The following CSMD3 variants were observed in gnomAD, a reference collection of about 807,000 sequenced individuals.
The protein encoded by CSMD3 is CUB and Sushi multiple domains 3, also known as CUB and sushi domain-containing protein 3.
Under a neutral mutation model 435.2 loss-of-function variants are expected in CSMD3, and 177 were observed. That is an observed-to-expected ratio of 0.41 (90% CI 0.36 to 0.46). The LOEUF (loss-of-function observed/expected upper bound fraction) is 0.46. Ranked by LOEUF, CSMD3 falls within the 20% of genes least tolerant of loss-of-function variation. CSMD3 has a pLI of 0.34. For missense variants in CSMD3, 4,265 were observed against 4,504.6 expected (o/e 0.95, Z 1.52); for synonymous variants, 1,656 against 1,520.5 (o/e 1.09, Z -2.07).
At chr8:113,063,696 G>A (rs938889744) in intron 5 of CSMD3, among the ~76,000 whole-genome samples, 3 of 151,828 alleles carry the variant, frequency 2.0e-5, no homozygotes, top group African/African-American at 4.8e-5. Flanking sequence ...TTGGAAACAT[G>A]TGCCTACAAA....
intron 9 of CSMD3, among the ~76,000 whole-genome samples, chr8:112,926,790 A>C (rs929916826): frequency 1.3e-5 from 2 of 152,140 alleles, no homozygotes; most frequent in African/African-American, 4.8e-5. Flanking sequence ...AGGATCTAAA[A>C]AAAAAGCAGA....
chr8:112,521,461 C>T (rs1320811377), intron 27 of CSMD3, among the ~76,000 whole-genome samples: 5 of 151,744 alleles, frequency 3.3e-5, no homozygotes, highest in South Asian at 2.1e-4. Context: ...TTTTGGCCTC[C>T]GATTCATCAG....
At chr8:112,843,377 C>T (rs1471697677) in intron 11 of CSMD3, among the ~76,000 whole-genome samples, 2 of 151,832 alleles carry the variant, frequency 1.3e-5, no homozygotes, top group Non-Finnish European at 2.9e-5. Context: ...TTCTGCTGTC[C>T]AATTTCCTTG....
At chr8:113,311,110 G>T (rs1021154928) in intron 2 of CSMD3, 4 of 151,790 alleles carry the variant, frequency 2.6e-5, no homozygotes, top group Non-Finnish European at 2.9e-5. Context: ...TTACTTGTTG[G>T]TATAAGTTTA....
At chr8:113,368,657 A>G (rs1413739302) in intron 1 of CSMD3, among the ~76,000 whole-genome samples, 1 of 152,130 alleles carries the variant, frequency 6.6e-6, no homozygotes, top group Non-Finnish European at 1.5e-5. Flanking sequence ...TTGAGCAGCA[A>G]TAACATTGGC....
intron 17 of CSMD3, 41 bp downstream of exon 17, chr8:112,666,236 G>T (rs2131706405): frequency 2.1e-6 from 3 of 1,425,062 alleles, no homozygotes; most frequent in Non-Finnish European, 2.0e-6. Flanking sequence ...TAATCTTTTA[G>T]ATAATATTTT....
At chr8:113,026,531 CTA>C (rs1265989506) in intron 5 of CSMD3, among the ~76,000 whole-genome samples, 1 of 152,098 alleles carries the variant, frequency 6.6e-6, no homozygotes, top group African/African-American at 2.4e-5. Flanking sequence ...GATAAGTTTT[CTA>C]TGTTTCCTAT....
rs564019616 is a variant in CSMD3 at position 112,618,316 on chromosome 8, G to A, written c.3715+18501C>T. Among the ~76,000 whole-genome samples the A allele has an allele frequency of 3.3e-5, 5 of 151,994 alleles. No individual in the cohort carries two copies. In the South Asian group the frequency reaches 1.0e-3, roughly 32 times the overall value. ...GAAATAATAATTAGGAACAGAAATA[G>A]AAATAAAAGAAAAAGAATATAAATA... is the stretch of plus-strand genomic sequence containing the variant. On this transcript the variant is annotated intron_variant, in intron 22 of 70. Transcript: ENST00000297405.
intron 12 of CSMD3, among the ~76,000 whole-genome samples, chr8:112,826,278 T>A (rs751469406): frequency 6.6e-6 from 1 of 152,120 alleles, no homozygotes; most frequent in Non-Finnish European, 1.5e-5. Flanking sequence ...CAGCTATCAG[T>A]CCCAGTGTTG....
intron 13 of CSMD3, among the ~76,000 whole-genome samples, chr8:112,791,159 TA>T (rs2078679517): frequency 6.6e-6 from 1 of 151,572 alleles, no homozygotes; most frequent in South Asian, 2.1e-4. Context: ...TCCATCTCTA[TA>T]AAAAATACAA....
At position 112,839,388 on chromosome 8, in the gene CSMD3, A is replaced by T. The variant is rs545402835; in HGVS notation, c.1756-9599T>A. 2.0e-5 allele frequency among the ~76,000 whole-genome samples: 3 copies of T among 151,954 alleles called. No homozygotes were observed. The East Asian group carries it at 5.8e-4, about 29-fold the overall frequency. On this transcript the variant is annotated intron_variant, in intron 11 of 70. Coordinates refer to ENST00000297405, the MANE Select transcript of CSMD3 (RefSeq NM_198123.2). ...AGAAGCTACATAAAATGAAAAATTC[A>T]TCAAATATTAAATCCATAGCACCAC...
At chr8:113,409,319 G>A (rs965744729) in intron 1 of CSMD3, among the ~76,000 whole-genome samples, 5 of 151,468 alleles carry the variant, frequency 3.3e-5, no homozygotes, top group African/African-American at 4.9e-5. Flanking sequence ...TCCTGACCTC[G>A]TGAAGCACCC....
rs1189506263 is a variant in CSMD3 at position 112,346,093 on chromosome 8, A to G, written c.6442+4T>C. 2 of 1,495,692 alleles carry G rather than the reference A, an allele frequency of 1.3e-6. No individual in the cohort carries two copies. The highest frequency in any genetic ancestry group is 1.9e-6 in the Non-Finnish European group (2 of 1,071,856). 92.7% of individuals were successfully genotyped at this position (1,495,692 alleles called of 1,614,324 possible). ...GCTCTTTCACGTGTTTTTAATACAC[A>G]TACCAAAACCTATGGGTAGATTTAT... On this transcript the variant is annotated splice_donor_region_variant and intron_variant, in intron 41 of 70. Transcript: ENST00000297405.
At chr8:112,779,052 A>G (rs1284511698) in intron 13 of CSMD3, among the ~76,000 whole-genome samples, 1 of 151,530 alleles carries the variant, frequency 6.6e-6, no homozygotes, top group African/African-American at 2.4e-5. Flanking sequence ...AATTTTAGGC[A>G]CTCATTTTGT....
At chr8:112,753,341 T>C (rs2077618319) in intron 13 of CSMD3, among the ~76,000 whole-genome samples, 1 of 152,164 alleles carries the variant, frequency 6.6e-6, no homozygotes, top group Non-Finnish European at 1.5e-5. Context: ...ATCTATTGCT[T>C]TTACAACTAA....
chr8:112,936,788 G>T (rs1477829614), intron 9 of CSMD3, among the ~76,000 whole-genome samples: 1 of 151,844 alleles, frequency 6.6e-6, no homozygotes, highest in Non-Finnish European at 1.5e-5. Flanking sequence ...ACACTACCCA[G>T]CCAGAAATAA....
At chr8:113,012,566 T>A (rs751812531) in intron 6 of CSMD3, among the ~76,000 whole-genome samples, 1 of 152,022 alleles carries the variant, frequency 6.6e-6, no homozygotes, top group African/African-American at 2.4e-5. Flanking sequence ...TCAGAAGAGC[T>A]GATGGTTTTA....
chr8:112,615,436 TTTAA>T (rs1280537856), intron 22 of CSMD3, among the ~76,000 whole-genome samples: 2 of 152,084 alleles, frequency 1.3e-5, no homozygotes, highest in Non-Finnish European at 2.9e-5. Context: ...ACCTGCAAAT[TTTAA>T]TTGAGAGTTT....
chr8:113,190,617 T>C (rs1415618149), intron 3 of CSMD3, among the ~76,000 whole-genome samples: 1 of 151,740 alleles, frequency 6.6e-6, no homozygotes, highest in Non-Finnish European at 1.5e-5. Flanking sequence ...TCTTAAAACA[T>C]ATGTCTATGA....
Sources: allele counts gnomAD v4.1 joint callset (sites outside exome capture counted in the v4.1 genomes callset), GRCh38; gene constraint gnomAD v4.1.1; transcripts MANE v1.5; gene names NCBI Gene and HGNC (gene_info 2026-07-23, HGNC 2026-07-21).